The following GOLGA4 variants were observed in gnomAD, a reference collection of about 807,000 sequenced individuals.
The protein encoded by GOLGA4 is golgin subfamily A member 4.
GOLGA4 carries 169 observed loss-of-function variants against 265.9 expected under a neutral mutation model. That is an observed-to-expected ratio of 0.64 (90% CI 0.56 to 0.72). The LOEUF (loss-of-function observed/expected upper bound fraction) is 0.72, where lower values mean the gene tolerates loss of function less well. Ranked by LOEUF, GOLGA4 falls within the 30% of genes least tolerant of loss-of-function variation. The pLI is 0.00. For synonymous variants in GOLGA4, 923 were observed against 855.8 expected, an observed-to-expected ratio of 1.08 and a Z score of -1.37; for missense variants, 2,482 against 2,483.4, an observed-to-expected ratio of 1.00 and a Z score of 0.01.
intron 2 of GOLGA4, among the ~76,000 whole-genome samples, chr3:37,267,351 T>C (rs1362387936): frequency 2.6e-5 from 4 of 152,258 alleles, no homozygotes; most frequent in Non-Finnish European, 5.9e-5. Flanking sequence ...TTCGTTGTTA[T>C]GTAAATCCAT....
At chr3:37,275,742 A>T in intron 2 of GOLGA4, 1 of 1,612,674 alleles carries the variant, frequency 6.2e-7, no homozygotes, top group Non-Finnish European at 8.5e-7. Flanking sequence ...AAGATGGTGC[A>T]GAAGAAGAAC....
chr3:37,313,367 G>A (rs2096928184), intron 10 of GOLGA4: 1 of 152,120 alleles, frequency 6.6e-6, no homozygotes, highest in Admixed American at 6.5e-5. Context: ...TGCAATTCCT[G>A]TGCCCAAACC....
chr3:37,260,926 G>A (rs548702148), intron 2 of GOLGA4, among the ~76,000 whole-genome samples: 43 of 152,066 alleles, frequency 2.8e-4, no homozygotes, highest in Middle Eastern at 3.4e-3. Context: ...CGGCAATTTG[G>A]GAGGCTGCAG....
rs1433653573 is a variant in GOLGA4 at position 37,324,023 on chromosome 3, C to A, written c.2137C>A (p.Gln713Lys). The A allele has an allele frequency of 1.2e-6, 2 of 1,613,596 alleles. No homozygotes were observed. Among genetic ancestry groups the A allele is most frequent in the South Asian group, 1.1e-5 (1 of 91,062 alleles). Reference sequence around the variant, plus strand: ...AGAGGAACTTTCTGTTCTGAAAGATCAAACAGATAAAATGAAGCAGGAATT... The same window carrying A: ...AGAGGAACTTTCTGTTCTGAAAGATAAAACAGATAAAATGAAGCAGGAATT... ...LEEELSVLKD[Q>K]TDKMKQELEA... The change falls in exon 14 of 24, where the codon CAA (glutamine) becomes AAA (lysine). Residue 713 changes from glutamine (Q) to lysine (K), a missense_variant. Transcript: ENST00000361924.
intron 20 of GOLGA4, among the ~76,000 whole-genome samples, chr3:37,346,759 A>G (rs1052508120): frequency 6.6e-6 from 1 of 152,136 alleles, no homozygotes; most frequent in African/African-American, 2.4e-5. Flanking sequence ...GCTTGTTTTC[A>G]GTTTCCTCTC....
intron 1 of GOLGA4, chr3:37,243,916 T>TG: frequency 4.7e-6 from 2 of 427,762 alleles, no homozygotes; most frequent in Non-Finnish European, 8.4e-6. Flanking sequence ...AGTCCGAACT[T>TG]GCATGATTTC....
At chr3:37,303,475 TAATG>T (rs2096898330) in intron 10 of GOLGA4, among the ~76,000 whole-genome samples, 1 of 152,174 alleles carries the variant, frequency 6.6e-6, no homozygotes, top group African/African-American at 2.4e-5. Flanking sequence ...TTAGGACACT[TAATG>T]AATAGTAGTG....
Position 37,298,834 on chromosome 3 carries a change from G to A in GOLGA4, c.816G>A (p.Val272=). ...ENPESDGEPV[V]EDGTSVKTLE... ...CTTCTTATGTTGCTTTATTGTTAGT[G>A]GAAGATGGAACTTCTGTAAAAACAC... The change falls in exon 8 of 24, where the codon GTG becomes GTA. Residue 272 remains valine (V), a splice_region_variant and synonymous_variant. Coordinates refer to ENST00000361924, the MANE Select transcript of GOLGA4 (RefSeq NM_002078.5). The A allele has an allele frequency of 6.3e-7, 1 of 1,599,390 alleles. No individual in the cohort carries two copies. The highest frequency in any genetic ancestry group is 8.5e-7 in the Non-Finnish European group (1 of 1,174,580).
chr3:37,315,276 C>T, intron 10 of GOLGA4, 144 bp from the exon 11 acceptor site: 1 of 682,424 alleles, frequency 1.5e-6, no homozygotes, highest in Non-Finnish European at 2.5e-6. Context: ...TCAACAACTC[C>T]AGTATCTCTT....
intron 5 of GOLGA4, among the ~76,000 whole-genome samples, chr3:37,290,658 C>T (rs2096862260): frequency 1.3e-5 from 2 of 152,090 alleles, no homozygotes. Context: ...AAAATGTATA[C>T]CCACTTTGGA....
intron 7 of GOLGA4, among the ~76,000 whole-genome samples, chr3:37,297,252 T>C (rs538640867): frequency 8.7e-4 from 132 of 152,370 alleles, no homozygotes; most frequent in Non-Finnish European, 1.6e-3. Context: ...AAGGGACTTA[T>C]GATAAACTTG....
At chr3:37,294,644 C>T (rs1283612251) in intron 5 of GOLGA4, among the ~76,000 whole-genome samples, 1 of 152,204 alleles carries the variant, frequency 6.6e-6, no homozygotes, top group Non-Finnish European at 1.5e-5. Flanking sequence ...TCCTCGGCCT[C>T]CCACAGTGTG....
At chr3:37,355,426 G>A (rs567264286) in intron 22 of GOLGA4, among the ~76,000 whole-genome samples, 7 of 152,152 alleles carry the variant, frequency 4.6e-5, no homozygotes, top group African/African-American at 1.2e-4. Context: ...CTTGACACCC[G>A]TATGTATGCT....
chr3:37,260,163 A>G (rs2096765523), intron 2 of GOLGA4, among the ~76,000 whole-genome samples: 6 of 151,916 alleles, frequency 3.9e-5, no homozygotes, highest in Admixed American at 3.9e-4. Context: ...GAGCTAAAAA[A>G]AAAAAAAAAA....
chr3:37,308,621 T>TAA (rs1427920980), intron 10 of GOLGA4, among the ~76,000 whole-genome samples: 1 of 150,392 alleles, frequency 6.6e-6, no homozygotes, highest in Non-Finnish European at 1.5e-5. Context: ...TAAATATATA[T>TAA]ATATATTTTT....
chr3:37,258,085 GTATA>G (rs781653755), intron 2 of GOLGA4, among the ~76,000 whole-genome samples: 1 of 127,274 alleles, frequency 7.9e-6, no homozygotes, highest in Admixed American at 8.3e-5. Flanking sequence ...ATATATGTGT[GTATA>G]TATATATGCT....
chr3:37,282,897 T>G (rs375449957), intron 3 of GOLGA4, among the ~76,000 whole-genome samples: 16 of 152,198 alleles, frequency 1.1e-4, no homozygotes, highest in African/African-American at 3.6e-4. Flanking sequence ...CAGGCTAAAT[T>G]TTATTTGTTG....
At chr3:37,335,713 A>G (rs1245904707) in intron 17 of GOLGA4, among the ~76,000 whole-genome samples, 1 of 151,522 alleles carries the variant, frequency 6.6e-6, no homozygotes, top group African/African-American at 2.4e-5. Context: ...GGAAAATTGG[A>G]CTGAATTCAA....
Position 37,288,816 on chromosome 3 carries a change from T to G in GOLGA4, c.526-419T>G, listed in dbSNP as rs1232908690. ...TAAATATAGACAATTATTTTGTTTC[T>G]AAGCCACAAAAACCTTTAGAACAGG... On this transcript the variant is annotated intron_variant, in intron 4 of 23. Coordinates refer to ENST00000361924, the MANE Select transcript of GOLGA4 (RefSeq NM_002078.5). Among the ~76,000 whole-genome samples, 4 of 152,228 alleles carry G rather than the reference T, an allele frequency of 2.6e-5. No individual in the cohort carries two copies. The East Asian group carries it at 7.7e-4, about 29-fold the overall frequency.
Sources: allele counts gnomAD v4.1 joint callset (sites outside exome capture counted in the v4.1 genomes callset), GRCh38; gene constraint gnomAD v4.1.1; transcripts MANE v1.5; gene names NCBI Gene and HGNC (gene_info 2026-07-23, HGNC 2026-07-21).